Variants in CUL4A observed in about 807,000 individuals in gnomAD.
The protein encoded by CUL4A is cullin-4A.
A neutral mutation model predicts 95.5 loss-of-function variants in CUL4A; 16 were observed. That is an observed-to-expected ratio of 0.17 (90% CI 0.11 to 0.25). CUL4A has a LOEUF of 0.25. Ranked by LOEUF, CUL4A falls within the 10% of genes least tolerant of loss-of-function variation. The pLI, the probability that CUL4A is intolerant of heterozygous loss-of-function variation, is 1.00. For missense variants in CUL4A, 610 were observed against 937.0 expected, an observed-to-expected ratio of 0.65 and a Z score of 4.56; for synonymous variants, 380 against 353.1, an observed-to-expected ratio of 1.08 and a Z score of -0.85.
chr13:113,252,183 T>C (rs7994324), intron 15 of CUL4A, among the ~76,000 whole-genome samples: 31,345 of 152,138 alleles, frequency 0.21, 3,877 homozygotes, highest in South Asian at 0.43. Flanking sequence ...GCTGGTGCAC[T>C]GAACGCTGGG....
intron 3 of CUL4A, among the ~76,000 whole-genome samples, chr13:113,222,460 G>T (rs147899437): frequency 2.8e-4 from 43 of 152,246 alleles, no homozygotes; most frequent in Non-Finnish European, 5.1e-4. Context: ...GGGAGGGTCT[G>T]TCGTGGTCAC....
At position 113,209,904 on chromosome 13, in the gene CUL4A, G is replaced by C. The variant is rs2040301969; in HGVS notation, c.149-69G>C. ...AGCGGGGGCGCCGGGGCGCCGGCCG[G>C]GTCGGGGGTGGCTACGCGGGGCGCT... On this transcript the variant is annotated intron_variant, in intron 1 of 19. Coordinates refer to ENST00000375440, the MANE Select transcript of CUL4A (RefSeq NM_001008895.4). 34 of 1,314,284 alleles carry C rather than the reference G, an allele frequency of 2.6e-5. No individual in the cohort carries two copies. In the South Asian group the frequency reaches 6.1e-4, roughly 23 times the overall value. 81.4% of individuals were successfully genotyped at this position (1,314,284 alleles called of 1,614,324 possible). A position where few individuals can be genotyped will look rare whatever the true frequency, so the allele number is the denominator to read the frequency against.
chr13:113,232,669 A>G (rs2041396892), intron 5 of CUL4A, among the ~76,000 whole-genome samples: 1 of 152,164 alleles, frequency 6.6e-6, no homozygotes, highest in African/African-American at 2.4e-5. Context: ...GCTGTGCATC[A>G]CCTTCTCTTC....
In CUL4A at chr13:113,254,809, T is replaced by C; in HGVS notation, c.1858+11T>C. 1 of 1,605,272 alleles carries C rather than the reference T, an allele frequency of 6.2e-7. No homozygotes were observed. The highest frequency in any genetic ancestry group is 8.5e-7 in the Non-Finnish European group (1 of 1,172,372). On this transcript the variant is annotated intron_variant, in intron 17 of 19. Transcript: ENST00000375440. ...TGGCCACGGGGATAGGTACGAAAACTGCAGAGTGCATAGCTCCATGAGTTG... is the reference window on the plus strand; with the variant it reads ...TGGCCACGGGGATAGGTACGAAAACCGCAGAGTGCATAGCTCCATGAGTTG...
intron 7 of CUL4A, among the ~76,000 whole-genome samples, chr13:113,234,798 G>A (rs747563461): frequency 3.9e-5 from 6 of 152,144 alleles, no homozygotes; most frequent in East Asian, 3.9e-4. Context: ...CACAGACCCC[G>A]AAACTTGGTG....
At chr13:113,211,920 G>C (rs1595338982) in intron 2 of CUL4A, among the ~76,000 whole-genome samples, 1 of 151,944 alleles carries the variant, frequency 6.6e-6, no homozygotes, top group East Asian at 1.9e-4. Context: ...TCCGCCACCA[G>C]CGTGTGCGTC....
chr13:113,235,347 C>T (rs548353581), intron 8 of CUL4A, among the ~76,000 whole-genome samples: 21 of 152,168 alleles, frequency 1.4e-4, no homozygotes, highest in Non-Finnish European at 2.2e-4. Context: ...TCATGAGTTA[C>T]GTCTAAAGAG....
rs60888877 is a variant in CUL4A at position 113,227,567 on chromosome 13, G to T, written c.369-409G>T. On this transcript the variant is annotated intron_variant, in intron 3 of 19. Coordinates refer to ENST00000375440, the MANE Select transcript of CUL4A (RefSeq NM_001008895.4). Reference sequence around the variant, plus strand: ...CTTTCAGTATTCCAGTTACTGAATGGTGTGTAGTATTCAGTGGAGAAGGTA... The same window carrying T: ...CTTTCAGTATTCCAGTTACTGAATGTTGTGTAGTATTCAGTGGAGAAGGTA... Among the ~76,000 whole-genome samples the T allele has an allele frequency of 7.5e-3, 1,141 of 152,314 alleles. 16 individuals carry two copies. The highest frequency in any genetic ancestry group is 0.027 in the African/African-American group (1,102 of 41,556).
At chr13:113,228,298 C>G (rs151121982) in intron 4 of CUL4A, among the ~76,000 whole-genome samples, 1 of 152,310 alleles carries the variant, frequency 6.6e-6, no homozygotes, top group Non-Finnish European at 1.5e-5. Flanking sequence ...CTGCATGGGT[C>G]TCTAAATGTC....
At chr13:113,229,352 G>A (rs2041227000) in intron 4 of CUL4A, 94 bp from the exon 5 acceptor site, 1 of 1,014,670 alleles carries the variant, frequency 9.9e-7, no homozygotes, top group Admixed American at 2.0e-5. Context: ...ACAGCTGTTG[G>A]ATTTGAGACA....
intron 2 of CUL4A, among the ~76,000 whole-genome samples, chr13:113,213,249 G>A (rs1224292168): frequency 1.3e-5 from 2 of 152,046 alleles, no homozygotes; most frequent in Admixed American, 1.3e-4. Flanking sequence ...TTAGCCTAGT[G>A]GGGTGTTGCA....
At chr13:113,244,302 A>G in intron 11 of CUL4A, 108 bp from the exon 12 acceptor site, 1 of 754,440 alleles carries the variant, frequency 1.3e-6, no homozygotes, top group South Asian at 1.9e-5. Context: ...TTTGTCATAT[A>G]GTCATTTTGG....
At chr13:113,251,960 C>T (rs560144310) in intron 15 of CUL4A, among the ~76,000 whole-genome samples, 1 of 152,230 alleles carries the variant, frequency 6.6e-6, no homozygotes, top group East Asian at 1.9e-4. Context: ...TCTCCTGAGG[C>T]GAAACTGGTG....
intron 18 of CUL4A, among the ~76,000 whole-genome samples, chr13:113,256,515 G>T (rs554596360): frequency 8.5e-5 from 13 of 152,298 alleles, no homozygotes; most frequent in African/African-American, 2.9e-4. Flanking sequence ...CCAGAGCACA[G>T]TGTCTGCCCC....
intron 5 of CUL4A, among the ~76,000 whole-genome samples, chr13:113,231,929 A>G (rs2041325026): frequency 6.6e-6 from 1 of 151,988 alleles, no homozygotes; most frequent in Non-Finnish European, 1.5e-5. Flanking sequence ...TGTGGCACCC[A>G]CCACTGCGGC....
intron 11 of CUL4A, 98 bp from the exon 12 acceptor site, chr13:113,244,312 G>A: frequency 1.2e-6 from 1 of 815,664 alleles, no homozygotes; most frequent in Non-Finnish European, 2.0e-6. Flanking sequence ...AGTCATTTTG[G>A]GAAGGTTCCA....
At position 113,237,115 on chromosome 13, in the gene CUL4A, C is replaced by T. The variant is rs149679816; in HGVS notation, c.916+225C>T. 1.3e-3 allele frequency among the ~76,000 whole-genome samples: 202 copies of T among 152,164 alleles called. 1 individual carries two copies. The highest frequency in any genetic ancestry group is 3.8e-3 in the Admixed American group (58 of 15,290). ...GTGGAACTACATTCACTGCTAAAACCCCAGTGGCAGGAAGGCCCGGCAGAC... is the reference window on the plus strand; with the variant it reads ...GTGGAACTACATTCACTGCTAAAACTCCAGTGGCAGGAAGGCCCGGCAGAC... On this transcript the variant is annotated intron_variant, in intron 9 of 19. Transcript: ENST00000375440.
At chr13:113,214,589 A>G (rs1200070868) in intron 2 of CUL4A, among the ~76,000 whole-genome samples, 1 of 152,072 alleles carries the variant, frequency 6.6e-6, no homozygotes, top group Non-Finnish European at 1.5e-5. Flanking sequence ...CTGGACTCAA[A>G]CAGTCCTCCT....
intron 2 of CUL4A, among the ~76,000 whole-genome samples, chr13:113,212,642 G>A (rs925290517): frequency 4.6e-5 from 7 of 152,140 alleles, no homozygotes; most frequent in South Asian, 2.1e-4. Flanking sequence ...AAAATTAGCC[G>A]GGCGTGGTGG....
Sources: gnomAD v4.1 joint callset for allele counts (sites outside exome capture counted in the v4.1 genomes callset) on GRCh38, gnomAD v4.1.1 for gene constraint, MANE v1.5 for transcripts, NCBI Gene and HGNC (gene_info 2026-07-23, HGNC 2026-07-21) for gene names.